Variants in CATSPERE observed in about 807,000 individuals in gnomAD.
The protein encoded by CATSPERE is catsper channel auxiliary subunit epsilon, also known as cation channel sperm-associated auxiliary subunit epsilon.
A neutral mutation model predicts 114.1 loss-of-function variants in CATSPERE; 93 were observed. The ratio of observed to expected loss-of-function variants is 0.81; its 90% CI spans 0.69 to 0.97. CATSPERE has a LOEUF of 0.97. CATSPERE is among the 50% of genes least tolerant of loss of function. The pLI is 0.00. For synonymous variants in CATSPERE, 341 were observed against 384.1 expected (o/e 0.89, Z 1.31); for missense variants, 1,058 against 1,131.6 (o/e 0.93, Z 0.93).
chr1:244,474,986 T>C (rs1669082206), intron 2 of CATSPERE, among the ~76,000 whole-genome samples: 1 of 151,966 alleles, frequency 6.6e-6, no homozygotes, highest in Non-Finnish European at 1.5e-5. Flanking sequence ...TAAGTGAGTT[T>C]TATTATTGAT....
intron 8 of CATSPERE, among the ~76,000 whole-genome samples, chr1:244,528,785 C>CCACGCACGCACACACACACACACACACA (rs1553342506): frequency 7.7e-6 from 1 of 130,536 alleles, no homozygotes; most frequent in African/African-American, 3.0e-5. Flanking sequence ...CAATCCCCCA[C>CCACGCACGCACACACACACACACACACA]CACACACACA....
intron 11 of CATSPERE, 125 bp from the exon 12 acceptor site, chr1:244,581,671 A>G: frequency 1.9e-6 from 1 of 536,446 alleles, no homozygotes; most frequent in Non-Finnish European, 3.4e-6. Context: ...CACGTGATGA[A>G]CATCATTACA....
chr1:244,472,960 G>A lies in CATSPERE; in HGVS notation c.115-4581G>A, dbSNP rs550958374. Among the ~76,000 whole-genome samples, 115 of 152,134 alleles carry A rather than the reference G, an allele frequency of 7.6e-4. 1 individual carries two copies. Among genetic ancestry groups the A allele is most frequent in the African/African-American group, 2.5e-3 (103 of 41,496 alleles). The stretch of plus-strand genomic sequence containing the variant: ...ATGCCTTTTCATGGCTTGATAGCTC[G>A]TTTCATTTTAGCACTGAGTAATACT... On this transcript the variant is annotated intron_variant, in intron 2 of 21. Transcript: ENST00000366534.
intron 8 of CATSPERE, among the ~76,000 whole-genome samples, chr1:244,544,949 C>T (rs2148473403): frequency 6.6e-6 from 1 of 152,318 alleles, no homozygotes; most frequent in African/African-American, 2.4e-5. Flanking sequence ...GCCAGCAATA[C>T]ACCTTCAATG....
In CATSPERE at chr1:244,554,860, A is replaced by G. The variant is rs990068234; in HGVS notation, c.1029+2046A>G. ...GAAAACTTACAGGCCAATATTCCTG[A>G]TGCACATAAAACACAAAAACCCTCA... On this transcript the variant is annotated intron_variant, in intron 9 of 21. Transcript: ENST00000366534. Among the ~76,000 whole-genome samples, 53 of 152,192 alleles carry G rather than the reference A, an allele frequency of 3.5e-4. 1 individual carries two copies. The highest frequency in any genetic ancestry group is 3.8e-4 in the Non-Finnish European group (26 of 68,030).
chr1:244,468,740 C>G (rs3124061), intron 2 of CATSPERE, among the ~76,000 whole-genome samples: 46,657 of 151,890 alleles, frequency 0.31, 7,644 homozygotes, highest in East Asian at 0.51. Flanking sequence ...GCAACATGGC[C>G]AGACCCCATC....
At chr1:244,580,255 G>A (rs1298325405) in intron 11 of CATSPERE, among the ~76,000 whole-genome samples, 1 of 131,460 alleles carries the variant, frequency 7.6e-6, no homozygotes, top group Non-Finnish European at 1.6e-5. Flanking sequence ...GTTTCACCAT[G>A]TTGGCCAAGC....
At chr1:244,460,023 C>T (rs1202933371), upstream of CATSPERE, among the ~76,000 whole-genome samples, 1 of 152,206 alleles carries the variant, frequency 6.6e-6, no homozygotes, top group African/African-American at 2.4e-5. Context: ...ACCATCTTTG[C>T]AAAATTATGA....
chr1:244,508,723 G>A (rs1675228152), intron 7 of CATSPERE, among the ~76,000 whole-genome samples: 1 of 151,276 alleles, frequency 6.6e-6, no homozygotes, highest in Admixed American at 6.6e-5. Context: ...TGTTGGCTGG[G>A]TGTGGTGGCT....
At chr1:244,497,239 A>G (rs1673246794) in intron 6 of CATSPERE, among the ~76,000 whole-genome samples, 1 of 152,228 alleles carries the variant, frequency 6.6e-6, no homozygotes, top group African/African-American at 2.4e-5. Flanking sequence ...TTTACTCCAT[A>G]AAGCTGGAAG....
intron 7 of CATSPERE, among the ~76,000 whole-genome samples, chr1:244,509,079 C>T (rs555935184): frequency 2.0e-5 from 3 of 150,384 alleles, no homozygotes; most frequent in South Asian, 2.1e-4. Flanking sequence ...GTCTATTGCT[C>T]GGCTAGGACT....
In CATSPERE at chr1:244,598,496, A is replaced by G. The variant is rs545713859; in HGVS notation, c.2303+4918A>G. The G allele has an allele frequency of 8.0e-5, 15 of 187,692 alleles. No individual in the cohort carries two copies. The South Asian group carries it at 1.4e-3, about 18-fold the overall frequency. 11.6% of individuals were successfully genotyped at this position (187,692 alleles called of 1,614,324 possible). Reference sequence around the variant, plus strand: ...GGGATGTACTACTTGGGATTCTCCAATTGCTCCTTCCGTAGATGATGCATT... The same window carrying G: ...GGGATGTACTACTTGGGATTCTCCAGTTGCTCCTTCCGTAGATGATGCATT... On this transcript the variant is annotated intron_variant, in intron 17 of 21. Transcript: ENST00000366534.
At chr1:244,624,994 A>T (rs1406108367) in intron 20 of CATSPERE, among the ~76,000 whole-genome samples, 2 of 152,090 alleles carry the variant, frequency 1.3e-5, no homozygotes, top group African/African-American at 2.4e-5. Flanking sequence ...CCTCAAAGCC[A>T]TTCATGAGGG....
intron 21 of CATSPERE, 103 bp downstream of exon 21, chr1:244,635,645 C>A: frequency 1.3e-6 from 1 of 792,398 alleles, no homozygotes; most frequent in Admixed American, 2.5e-5. Flanking sequence ...CAGAAGCAGC[C>A]TGTGCACTCA....
Position 244,593,387 on chromosome 1 carries a change from T to C in CATSPERE, c.2190-8T>C. ...AAAGAGAAATAATGAGGAATGTCTT[T>C]TTCACAGGTCATATCTGAGGCATCA... On this transcript the variant is annotated splice_polypyrimidine_tract_variant and splice_region_variant and intron_variant, in intron 15 of 21. Transcript: ENST00000366534. 1 of 1,611,996 alleles carries C rather than the reference T, an allele frequency of 6.2e-7. No homozygotes were observed. The highest frequency in any genetic ancestry group is 2.2e-5 in the East Asian group (1 of 44,858).
At chr1:244,519,307 A>G (rs146545554) in intron 8 of CATSPERE, among the ~76,000 whole-genome samples, 1 of 152,330 alleles carries the variant, frequency 6.6e-6, no homozygotes, top group East Asian at 1.9e-4. Flanking sequence ...GGAGTCAGGG[A>G]GGACTTTTCT....
At position 244,574,400 on chromosome 1, in the gene CATSPERE, T is replaced by C. The variant is rs573473557; in HGVS notation, c.1950+1628T>C. ...GCACAAAGTAAGGAGGCTTGAAGGC[T>C]TGAAGGAAGTTAGTCTTTAAAAGAA... On this transcript the variant is annotated intron_variant, in intron 11 of 21. Coordinates refer to ENST00000366534, the MANE Select transcript of CATSPERE (RefSeq NM_001130957.2). 1.3e-3 allele frequency among the ~76,000 whole-genome samples: 205 copies of C among 152,330 alleles called. 1 individual carries two copies. The highest frequency in any genetic ancestry group is 2.5e-3 in the Non-Finnish European group (168 of 68,030).
At chr1:244,584,801 C>A (rs1432624984) in intron 13 of CATSPERE, among the ~76,000 whole-genome samples, 1 of 152,130 alleles carries the variant, frequency 6.6e-6, no homozygotes. Context: ...TTAGAGGGAG[C>A]CTTGAACTGA....
chr1:244,593,750 G>A (rs1668025186), intron 17 of CATSPERE, among the ~76,000 whole-genome samples, 172 bp downstream of exon 17: 1 of 152,186 alleles, frequency 6.6e-6, no homozygotes, highest in African/African-American at 2.4e-5. Flanking sequence ...GATGGTCCCT[G>A]CATGTTGAGG....
Sources: allele counts gnomAD v4.1 joint callset (sites outside exome capture counted in the v4.1 genomes callset), GRCh38; gene constraint gnomAD v4.1.1; transcripts MANE v1.5; gene names NCBI Gene and HGNC (gene_info 2026-07-23, HGNC 2026-07-21).